Variants in RIT2 observed in about 807,000 individuals in gnomAD.
The protein encoded by RIT2 is Ras like without CAAX 2, also known as GTP-binding protein Rit2.
RIT2 carries 24 observed loss-of-function variants against 23.7 expected under a neutral mutation model. The ratio of observed to expected loss-of-function variants is 1.01; its 90% CI spans 0.73 to 1.43. The LOEUF is 1.43. RIT2 is among the 40% of genes most tolerant of loss of function. The pLI is 0.00. For synonymous variants in RIT2, 107 were observed against 91.1 expected (o/e 1.17, Z -0.99); for missense variants, 236 against 266.9 (o/e 0.88, Z 0.81).
intron 4 of RIT2, among the ~76,000 whole-genome samples, chr18:42,898,740 G>A (rs936102327): frequency 8.6e-5 from 13 of 151,860 alleles, no homozygotes; most frequent in African/African-American, 3.1e-4. Context: ...AGTTATCTTC[G>A]ATCTTGCCTG....
At chr18:43,086,367 G>A (rs932085790) in intron 1 of RIT2, among the ~76,000 whole-genome samples, 1 of 152,124 alleles carries the variant, frequency 6.6e-6, no homozygotes, top group Non-Finnish European at 1.5e-5. Context: ...TAACTTAAGG[G>A]AAATAGATGA....
chr18:43,013,694 AGTAACTATCT>A (rs1321099081), intron 2 of RIT2, among the ~76,000 whole-genome samples: 97 of 151,756 alleles, frequency 6.4e-4, no homozygotes, highest in Non-Finnish European at 1.2e-3. Context: ...GCACTATCAG[AGTAACTATCT>A]GTATGATGCA....
At chr18:42,981,729 T>C (rs756191971) in intron 2 of RIT2, among the ~76,000 whole-genome samples, 4 of 152,044 alleles carry the variant, frequency 2.6e-5, no homozygotes, top group Admixed American at 6.6e-5. Context: ...GAGAAAAATA[T>C]ATAAATATGA....
At chr18:42,761,157 T>A (rs1056244912) in intron 4 of RIT2, among the ~76,000 whole-genome samples, 4 of 152,242 alleles carry the variant, frequency 2.6e-5, no homozygotes, top group African/African-American at 9.6e-5. Flanking sequence ...ATATGTTTCT[T>A]CTGCATATTC....
intron 4 of RIT2, among the ~76,000 whole-genome samples, chr18:42,881,220 A>G (rs563564510): frequency 6.6e-6 from 1 of 152,288 alleles, no homozygotes; most frequent in South Asian, 2.1e-4. Flanking sequence ...ACAAACAAAA[A>G]ACAGAGGTTG....
At chr18:43,108,652 A>G (rs573147116) in intron 1 of RIT2, among the ~76,000 whole-genome samples, 29 of 152,204 alleles carry the variant, frequency 1.9e-4, no homozygotes, top group Admixed American at 8.5e-4. Flanking sequence ...CAGAGTGCAT[A>G]TAATCTTGGA....
chr18:42,794,673 A>AT (rs1327257024), intron 4 of RIT2, among the ~76,000 whole-genome samples: 2 of 152,206 alleles, frequency 1.3e-5, no homozygotes, highest in African/African-American at 4.8e-5. Flanking sequence ...AGCTGAAATA[A>AT]TTTTTTAAAA....
chr18:42,746,886 A>G (rs190598903), intron 4 of RIT2, among the ~76,000 whole-genome samples: 1 of 152,246 alleles, frequency 6.6e-6, no homozygotes, highest in East Asian at 1.9e-4. Context: ...AAAAATTGGC[A>G]TAGAAGGGAC....
intron 2 of RIT2, among the ~76,000 whole-genome samples, chr18:43,018,053 G>A (rs1911513347): frequency 6.6e-6 from 1 of 152,044 alleles, no homozygotes. Flanking sequence ...ACCACATAAA[G>A]AGTTAGTAAG....
At chr18:42,860,860 G>T (rs547974159) in intron 4 of RIT2, among the ~76,000 whole-genome samples, 1 of 152,104 alleles carries the variant, frequency 6.6e-6, no homozygotes, top group Non-Finnish European at 1.5e-5. Flanking sequence ...AAGCACCTGC[G>T]CAGGTTACCC....
intron 2 of RIT2, among the ~76,000 whole-genome samples, chr18:42,983,344 C>T (rs1398518686): frequency 1.3e-5 from 2 of 151,834 alleles, no homozygotes; most frequent in Non-Finnish European, 2.9e-5. Context: ...AATCTCATGC[C>T]TTTCACAGAA....
At chr18:42,852,780 TCTCCCTCCCTCCCTCTCTTC>T (rs1336105060) in intron 4 of RIT2, among the ~76,000 whole-genome samples, 1 of 108,630 alleles carries the variant, frequency 9.2e-6, no homozygotes, top group East Asian at 3.2e-4. Flanking sequence ...TCCCTCCCTC[TCTCCCTCCCTCCCTCTCTTC>T]CTCCCTCCCT....
intron 3 of RIT2, among the ~76,000 whole-genome samples, chr18:42,972,009 T>C (rs992724441): frequency 6.6e-6 from 1 of 151,932 alleles, no homozygotes; most frequent in Non-Finnish European, 1.5e-5. Context: ...TAAATGAAAA[T>C]TTCACTTTCT....
intron 1 of RIT2, among the ~76,000 whole-genome samples, chr18:43,061,699 A>T (rs190218459): frequency 3.9e-5 from 6 of 152,006 alleles, no homozygotes; most frequent in Non-Finnish European, 8.8e-5. Flanking sequence ...GTAGTCCCCC[A>T]TTCTAAGCTC....
rs766783681 is a variant in RIT2 at position 42,923,668 on chromosome 18, A to C, written c.330T>G (p.Ala110=). Residue 110 remains alanine (A), a synonymous_variant, in exon 4 of 5, where the codon GCT becomes GCG. Transcript: ENST00000326695. ...GAAAAATGAGCTCTTTAAACTTGGCAGCCTCCTGAAATGATTGACGGTCAG... is the reference window on the plus strand; with the variant it reads ...GAAAAATGAGCTCTTTAAACTTGGCCGCCTCCTGAAATGATTGACGGTCAG... ...SVTDRQSFQE[A]AKFKELIFQV... 2 of 1,613,376 alleles carry C rather than the reference A, an allele frequency of 1.2e-6. No homozygotes were observed. The highest frequency in any genetic ancestry group is 8.5e-7 in the Non-Finnish European group (1 of 1,179,658).
At chr18:42,849,127 C>T (rs758961402) in intron 4 of RIT2, among the ~76,000 whole-genome samples, 8 of 152,162 alleles carry the variant, frequency 5.3e-5, no homozygotes, top group Non-Finnish European at 1.0e-4. Context: ...AGCCACAGGA[C>T]ATCAGTGTAG....
chr18:42,834,375 G>A (rs1423736134), intron 4 of RIT2, among the ~76,000 whole-genome samples: 1 of 152,060 alleles, frequency 6.6e-6, no homozygotes, highest in African/African-American at 2.4e-5. Flanking sequence ...TTTCTTACCT[G>A]TAACTTAATG....
intron 4 of RIT2, among the ~76,000 whole-genome samples, chr18:42,801,042 C>A (rs942835039): frequency 2.0e-5 from 3 of 151,630 alleles, no homozygotes; most frequent in African/African-American, 7.3e-5. Flanking sequence ...AAAGTAGAAA[C>A]AATAAAAAAA....
At chr18:43,044,336 G>A (rs774242471) in intron 1 of RIT2, among the ~76,000 whole-genome samples, 1 of 152,036 alleles carries the variant, frequency 6.6e-6, no homozygotes, top group Non-Finnish European at 1.5e-5. Context: ...GTTCTCCTCT[G>A]TTTTCTCTAG....
Sources: gnomAD v4.1 joint callset for allele counts (sites outside exome capture counted in the v4.1 genomes callset) on GRCh38, gnomAD v4.1.1 for gene constraint, MANE v1.5 for transcripts, NCBI Gene and HGNC (gene_info 2026-07-23, HGNC 2026-07-21) for gene names.